GRM5: variants seen among roughly 807,000 people sequenced by gnomAD.
The protein encoded by GRM5 is glutamate metabotropic receptor 5.
Under a neutral mutation model 83.1 loss-of-function variants are expected in GRM5, and 19 were observed. That is an observed-to-expected ratio of 0.23 (90% CI 0.16 to 0.34). The LOEUF (loss-of-function observed/expected upper bound fraction) is 0.34. Among genes scored for constraint, GRM5 ranks in the 10% least tolerant of loss-of-function variants. The pLI, the probability that GRM5 is intolerant of heterozygous loss-of-function variation, is 1.00. For synonymous variants in GRM5, 675 were observed against 633.6 expected (o/e 1.07, Z -0.98); for missense variants, 1,160 against 1,588.3 (o/e 0.73, Z 4.58).
chr11:88,962,103 G>C (rs553568157), intron 2 of GRM5, among the ~76,000 whole-genome samples: 1 of 152,300 alleles, frequency 6.6e-6, no homozygotes, highest in East Asian at 1.9e-4. Context: ...CAGAAAGTCA[G>C]TGGCAGAGGT....
At chr11:88,940,916 G>C (rs1219235210) in intron 2 of GRM5, among the ~76,000 whole-genome samples, 1 of 151,998 alleles carries the variant, frequency 6.6e-6, no homozygotes, top group East Asian at 1.9e-4. Context: ...GAGGCAATCA[G>C]TATGAACACA....
intron 3 of GRM5, among the ~76,000 whole-genome samples, chr11:88,720,310 A>C (rs1941503672): frequency 2.9e-5 from 1 of 34,602 alleles, no homozygotes; most frequent in South Asian, 2.8e-3. Flanking sequence ...CTTTGAGGGG[A>C]AAGTGTTTAT....
At chr11:88,740,803 T>C (rs978804295) in intron 3 of GRM5, among the ~76,000 whole-genome samples, 1 of 152,020 alleles carries the variant, frequency 6.6e-6, no homozygotes, top group Admixed American at 6.6e-5. Context: ...GACCAGGAGA[T>C]GGTGAAGGAA....
chr11:89,050,680 C>A (rs187113010), intron 1 of GRM5, among the ~76,000 whole-genome samples: 1 of 152,248 alleles, frequency 6.6e-6, no homozygotes, highest in African/African-American at 2.4e-5. Context: ...CAACATTACT[C>A]ACAATAGCAA....
chr11:88,576,472 T>TA (rs1943112002), intron 7 of GRM5, among the ~76,000 whole-genome samples: 1 of 152,178 alleles, frequency 6.6e-6, no homozygotes, highest in Admixed American at 6.6e-5. Flanking sequence ...ATAAGTTTAA[T>TA]GAATGAATGA....
chr11:88,764,004 CTGAAAG>C (rs945678119), intron 3 of GRM5, among the ~76,000 whole-genome samples: 3 of 151,300 alleles, frequency 2.0e-5, no homozygotes, highest in African/African-American at 7.3e-5. Flanking sequence ...TACAAATAGA[CTGAAAG>C]TGAAAGAATG....
intron 3 of GRM5, among the ~76,000 whole-genome samples, chr11:88,690,053 A>G (rs773145895): frequency 6.6e-6 from 1 of 152,206 alleles, no homozygotes; most frequent in Non-Finnish European, 1.5e-5. Flanking sequence ...AACCAAATAC[A>G]TAACACAGCA....
chr11:88,527,032 A>G (rs1346587839), intron 8 of GRM5, among the ~76,000 whole-genome samples: 1 of 152,196 alleles, frequency 6.6e-6, no homozygotes, highest in Non-Finnish European at 1.5e-5. Flanking sequence ...GAGGTAAATC[A>G]TCAGACCAAG....
At chr11:88,668,295 TCGCACACACACA>T (rs1219630323) in intron 3 of GRM5, among the ~76,000 whole-genome samples, 9 of 81,758 alleles carry the variant, frequency 1.1e-4, no homozygotes, top group East Asian at 8.1e-4. Context: ...CCCCAGAAAC[TCGCACACACACA>T]CACACACACA....
intron 3 of GRM5, among the ~76,000 whole-genome samples, chr11:88,660,818 GCA>G (rs1939886120): frequency 6.6e-6 from 1 of 152,094 alleles, no homozygotes; most frequent in South Asian, 2.1e-4. Context: ...TATTCCCTCT[GCA>G]CAGAGTGCCA....
Position 88,509,511 on chromosome 11 carries a change from A to G in GRM5, c.2727-7T>C. On this transcript the variant is annotated splice_polypyrimidine_tract_variant and splice_region_variant and intron_variant, in intron 9 of 9. Transcript: ENST00000305447. Reference sequence around the variant, plus strand: ...GACGGATTTTCCATTGGAACTGAGGAGAGAAGGGAGAGGAAAGGTGACTCA... The same window carrying G: ...GACGGATTTTCCATTGGAACTGAGGGGAGAAGGGAGAGGAAAGGTGACTCA... The G allele has an allele frequency of 6.2e-7, 1 of 1,605,094 alleles. No individual in the cohort carries two copies. Among genetic ancestry groups the G allele is most frequent in the Non-Finnish European group, 8.5e-7 (1 of 1,175,642 alleles).
At chr11:88,981,795 T>C (rs902269537) in intron 2 of GRM5, among the ~76,000 whole-genome samples, 1 of 152,174 alleles carries the variant, frequency 6.6e-6, no homozygotes, top group African/African-American at 2.4e-5. Flanking sequence ...ACTTTCTTCA[T>C]CTGAAGAATT....
intron 2 of GRM5, among the ~76,000 whole-genome samples, chr11:88,950,279 C>G (rs1938414650): frequency 6.6e-6 from 1 of 151,376 alleles, no homozygotes; most frequent in Non-Finnish European, 1.5e-5. Context: ...CTATGCTGTA[C>G]TGTTAATTGA....
intron 2 of GRM5, among the ~76,000 whole-genome samples, chr11:88,994,059 C>T (rs1202669459): frequency 2.0e-5 from 3 of 151,838 alleles, no homozygotes; most frequent in Non-Finnish European, 4.4e-5. Context: ...CAAAAATCAG[C>T]AGCATTCAGT....
intron 7 of GRM5, among the ~76,000 whole-genome samples, chr11:88,585,577 C>T (rs76742725): frequency 7.9e-5 from 12 of 152,164 alleles, no homozygotes; most frequent in African/African-American, 2.7e-4. Flanking sequence ...TCTGTGTCCA[C>T]AACACTCTTC....
intron 3 of GRM5, among the ~76,000 whole-genome samples, chr11:88,654,710 A>G (rs1939723997): frequency 1.3e-5 from 2 of 152,104 alleles, no homozygotes; most frequent in East Asian, 3.9e-4. Context: ...GGTGATATTC[A>G]AATATTTCCA....
intron 2 of GRM5, among the ~76,000 whole-genome samples, chr11:88,874,584 C>A (rs1223664629): frequency 6.6e-6 from 1 of 151,618 alleles, no homozygotes; most frequent in Non-Finnish European, 1.5e-5. Flanking sequence ...AAAAAGTAAA[C>A]AAATAAGAGA....
At chr11:88,582,486 C>T (rs1943231727) in intron 7 of GRM5, among the ~76,000 whole-genome samples, 2 of 152,226 alleles carry the variant, frequency 1.3e-5, no homozygotes, top group South Asian at 4.1e-4. Context: ...GATAGATAGC[C>T]AGCTGTATAG....
chr11:89,034,289 T>C (rs1358087543), intron 2 of GRM5, among the ~76,000 whole-genome samples: 11 of 151,884 alleles, frequency 7.2e-5, no homozygotes, highest in Admixed American at 7.2e-4. Flanking sequence ...AGCCATTCAA[T>C]AGCATAAACA....
Sources: gnomAD v4.1 joint callset for allele counts (sites outside exome capture counted in the v4.1 genomes callset) on GRCh38, gnomAD v4.1.1 for gene constraint, MANE v1.5 for transcripts, NCBI Gene and HGNC (gene_info 2026-07-23, HGNC 2026-07-21) for gene names.